RPS6KC1: variants seen among roughly 807,000 people sequenced by gnomAD.
The protein encoded by RPS6KC1 is inactive ribosomal protein S6 kinase delta-1.
In RPS6KC1, 54 loss-of-function variants were observed where a neutral mutation model predicts 103.8. That is an observed-to-expected ratio of 0.52 (90% CI 0.42 to 0.65). The LOEUF is 0.65. Ranked by LOEUF, RPS6KC1 falls within the 30% of genes least tolerant of loss-of-function variation. The pLI is 0.00. For synonymous variants in RPS6KC1, 439 were observed against 438.7 expected, an observed-to-expected ratio of 1.00 and a Z score of -0.01; for missense variants, 1,151 against 1,253.8, an observed-to-expected ratio of 0.92 and a Z score of 1.24.
At chr1:213,629,562 T>C in the RPS6KC1 span, among the ~76,000 whole-genome samples, 28 of 152,236 alleles carry the variant, frequency 1.8e-4, no homozygotes, top group Non-Finnish European at 4.1e-4. Context: ...GTCTTTTAAT[T>C]GGAGCATTTA....
chr1:213,523,738 A>T, the RPS6KC1 span, among the ~76,000 whole-genome samples: 1 of 152,262 alleles, frequency 6.6e-6, no homozygotes, highest in African/African-American at 2.4e-5. Context: ...AAACTGCTGT[A>T]AGTGGTAAGT....
the RPS6KC1 span, among the ~76,000 whole-genome samples, chr1:213,299,130 AG>A: frequency 6.6e-6 from 1 of 152,230 alleles, no homozygotes; most frequent in African/African-American, 2.4e-5. Context: ...CTGATGATTC[AG>A]GGCTCCTAAG....
At chr1:213,120,203 TG>T (rs2084226013) in intron 5 of RPS6KC1, among the ~76,000 whole-genome samples, 1 of 152,214 alleles carries the variant, frequency 6.6e-6, no homozygotes, top group South Asian at 2.1e-4. Flanking sequence ...TTTTCAACTA[TG>T]TTACCATCTC....
chr1:213,181,312 T>G (rs904888226), intron 8 of RPS6KC1, among the ~76,000 whole-genome samples: 3 of 152,238 alleles, frequency 2.0e-5, no homozygotes, highest in Non-Finnish European at 2.9e-5. Flanking sequence ...GTCATCGTTA[T>G]AAGAGATGCC....
chr1:213,619,366 T>C, the RPS6KC1 span, among the ~76,000 whole-genome samples: 1 of 152,328 alleles, frequency 6.6e-6, no homozygotes, highest in East Asian at 1.9e-4. Flanking sequence ...TCTCCTTACA[T>C]TTCCGAACCA....
chr1:213,737,029 A>G, the RPS6KC1 span, among the ~76,000 whole-genome samples: 1 of 152,232 alleles, frequency 6.6e-6, no homozygotes, highest in Non-Finnish European at 1.5e-5. Flanking sequence ...TCCACCACAG[A>G]GCAAACCAGC....
chr1:213,653,120 A>G, the RPS6KC1 span, among the ~76,000 whole-genome samples: 349 of 152,326 alleles, frequency 2.3e-3, 3 homozygotes, highest in African/African-American at 8.2e-3. Flanking sequence ...AATACAGTCC[A>G]TGTGACACAT....
the RPS6KC1 span, among the ~76,000 whole-genome samples, chr1:213,585,933 G>T: frequency 6.6e-6 from 1 of 152,170 alleles, no homozygotes. Context: ...GAGGGGATAT[G>T]CTGGATTGAG....
At chr1:213,836,823 C>T in the RPS6KC1 span, among the ~76,000 whole-genome samples, 1 of 152,118 alleles carries the variant, frequency 6.6e-6, no homozygotes, top group Non-Finnish European at 1.5e-5. Flanking sequence ...AGCTCACTAA[C>T]GTGTCAGGAC....
At chr1:213,757,043 G>A in the RPS6KC1 span, among the ~76,000 whole-genome samples, 2 of 152,114 alleles carry the variant, frequency 1.3e-5, no homozygotes, top group African/African-American at 4.8e-5. Context: ...TGTGTGTTCT[G>A]ACTTCTCTGC....
chr1:213,539,314 A>T, the RPS6KC1 span, among the ~76,000 whole-genome samples: 1 of 152,212 alleles, frequency 6.6e-6, no homozygotes, highest in African/African-American at 2.4e-5. Context: ...CATTGCAGAA[A>T]AATAAGCATA....
intron 12 of RPS6KC1, among the ~76,000 whole-genome samples, chr1:213,243,294 T>G (rs1477606480): frequency 6.6e-6 from 1 of 152,102 alleles, no homozygotes; most frequent in African/African-American, 2.4e-5. Flanking sequence ...AATTTTTTTT[T>G]TTTTAAATAG....
intron 6 of RPS6KC1, among the ~76,000 whole-genome samples, chr1:213,157,086 T>G (rs2148022862): frequency 6.6e-6 from 1 of 152,344 alleles, no homozygotes; most frequent in Middle Eastern, 3.4e-3. Context: ...CCCATAAATT[T>G]AGATATATTG....
At chr1:213,295,234 G>T in the RPS6KC1 span, among the ~76,000 whole-genome samples, 1 of 152,178 alleles carries the variant, frequency 6.6e-6, no homozygotes, top group African/African-American at 2.4e-5. Flanking sequence ...TGCAGTATTT[G>T]TATTTTATGT....
At chr1:213,492,062 G>A in the RPS6KC1 span, among the ~76,000 whole-genome samples, 2 of 152,254 alleles carry the variant, frequency 1.3e-5, no homozygotes, top group South Asian at 4.1e-4. Context: ...TAAGCCCCCA[G>A]CAAACTCCAT....
intron 3 of RPS6KC1, among the ~76,000 whole-genome samples, chr1:213,100,225 T>C (rs2081892969): frequency 6.6e-6 from 1 of 152,168 alleles, no homozygotes; most frequent in Admixed American, 6.5e-5. Flanking sequence ...AGGCTAAAGA[T>C]TTTTTCACAT....
At chr1:213,624,390 G>A in the RPS6KC1 span, among the ~76,000 whole-genome samples, 2 of 152,224 alleles carry the variant, frequency 1.3e-5, no homozygotes, top group African/African-American at 4.8e-5. Context: ...GGGTAGAAAG[G>A]AAACAAGAAG....
At chr1:213,312,912 A>G in the RPS6KC1 span, among the ~76,000 whole-genome samples, 1 of 152,222 alleles carries the variant, frequency 6.6e-6, no homozygotes, top group African/African-American at 2.4e-5. Context: ...TCTGTTTAAC[A>G]GATGCATTTC....
chr1:213,728,902 A>G, the RPS6KC1 span, among the ~76,000 whole-genome samples: 6 of 140,276 alleles, frequency 4.3e-5, no homozygotes, highest in Admixed American at 4.3e-4. Context: ...AGTCAGAAGT[A>G]TAACTTAGGT....
Sources: gnomAD v4.1 joint callset for allele counts (sites outside exome capture counted in the v4.1 genomes callset) on GRCh38, gnomAD v4.1.1 for gene constraint, MANE v1.5 for transcripts, NCBI Gene and HGNC (gene_info 2026-07-23, HGNC 2026-07-21) for gene names.